OPCML: variants seen among roughly 807,000 people sequenced by gnomAD.
OPCML encodes the protein opioid-binding protein/cell adhesion molecule.
A neutral mutation model predicts 37.8 loss-of-function variants in OPCML; 13 were observed. That is an observed-to-expected ratio of 0.34 (90% CI 0.22 to 0.55). The LOEUF (loss-of-function observed/expected upper bound fraction) is 0.55, where lower values mean the gene tolerates loss of function less well. OPCML is among the 20% of genes least tolerant of loss of function. The probability of loss-of-function intolerance (pLI) is 0.91; values close to 1 mark genes in which losing one functional copy is unlikely to be tolerated. For missense variants in OPCML, 341 were observed against 435.6 expected, an observed-to-expected ratio of 0.78 and a Z score of 1.93; for synonymous variants, 176 against 168.8, an observed-to-expected ratio of 1.04 and a Z score of -0.33.
At chr11:132,646,076 G>A (rs1045942779) in intron 3 of OPCML, among the ~76,000 whole-genome samples, 7 of 152,068 alleles carry the variant, frequency 4.6e-5, no homozygotes, top group Admixed American at 2.0e-4. Context: ...AAATAAGAGT[G>A]GAAAGGGTGG....
intron 1 of OPCML, among the ~76,000 whole-genome samples, chr11:133,381,363 C>T (rs1371217522): frequency 2.0e-5 from 3 of 152,250 alleles, no homozygotes; most frequent in Middle Eastern, 3.4e-3. Flanking sequence ...TTCTGTAGCA[C>T]GGGATCAAAT....
At chr11:132,710,396 C>CTA (rs1316355047) in intron 2 of OPCML, among the ~76,000 whole-genome samples, 1 of 152,010 alleles carries the variant, frequency 6.6e-6, no homozygotes, top group Non-Finnish European at 1.5e-5. Context: ...AGTAAAGTAC[C>CTA]TATACTACAG....
At position 133,231,438 on chromosome 11, in the gene OPCML, C is replaced by T. The variant is rs78643950; in HGVS notation, c.62-288428G>A. ...GCAGCACAGGGCAGTCTGCACCCCA[C>T]GGTGTTTTAAGATTCCTAGGTGAAG... On this transcript the variant is annotated intron_variant, in intron 1 of 7. Transcript: ENST00000524381. 8.9e-4 allele frequency among the ~76,000 whole-genome samples: 135 copies of T among 152,264 alleles called. 2 individuals carry two copies. The East Asian group carries it at 0.018, about 20-fold the overall frequency.
At chr11:132,709,110 G>A (rs547642665) in intron 2 of OPCML, among the ~76,000 whole-genome samples, 2 of 152,154 alleles carry the variant, frequency 1.3e-5, no homozygotes, top group Non-Finnish European at 2.9e-5. Context: ...CTCCTGTGGT[G>A]ATATTCATCA....
chr11:133,329,402 C>A (rs906144732), intron 1 of OPCML, among the ~76,000 whole-genome samples: 11 of 152,094 alleles, frequency 7.2e-5, no homozygotes, highest in Admixed American at 2.0e-4. Context: ...AAGAACAAAG[C>A]TGGAGGCATC....
chr11:132,858,324 C>T (rs917603911), intron 2 of OPCML, among the ~76,000 whole-genome samples: 6 of 152,212 alleles, frequency 3.9e-5, no homozygotes, highest in Non-Finnish European at 7.3e-5. Context: ...TTGACCGGGC[C>T]TGCCAGGGTG....
intron 2 of OPCML, among the ~76,000 whole-genome samples, chr11:132,809,419 CTG>C (rs2136221930): frequency 6.6e-6 from 1 of 152,306 alleles, no homozygotes; most frequent in African/African-American, 2.4e-5. Flanking sequence ...ACAGTTACCA[CTG>C]TGCTTTGTGC....
chr11:133,072,837 AGAG>A (rs570689713), intron 1 of OPCML, among the ~76,000 whole-genome samples: 42 of 152,374 alleles, frequency 2.8e-4, no homozygotes, highest in Non-Finnish European at 5.6e-4. Flanking sequence ...GAGATTTAGT[AGAG>A]GCATTGACTA....
intron 1 of OPCML, among the ~76,000 whole-genome samples, chr11:133,085,285 C>T (rs151325474): frequency 2.2e-4 from 34 of 152,306 alleles, no homozygotes; most frequent in East Asian, 1.2e-3. Flanking sequence ...TGTGTTCAAA[C>T]GCTTCTCTTT....
chr11:132,570,397 G>C (rs1181741177), intron 3 of OPCML, among the ~76,000 whole-genome samples: 1 of 152,018 alleles, frequency 6.6e-6, no homozygotes, highest in Non-Finnish European at 1.5e-5. Context: ...ATGTTTTGAG[G>C]GGAAAGTTTG....
At chr11:133,341,014 C>T (rs1943857595) in intron 1 of OPCML, among the ~76,000 whole-genome samples, 1 of 152,066 alleles carries the variant, frequency 6.6e-6, no homozygotes, top group Admixed American at 6.6e-5. Context: ...CCCCCTTCTT[C>T]TCTTCTTCTT....
At chr11:133,151,100 C>T (rs537440988) in intron 1 of OPCML, among the ~76,000 whole-genome samples, 17 of 151,722 alleles carry the variant, frequency 1.1e-4, no homozygotes, top group Admixed American at 5.9e-4. Flanking sequence ...TGGTGAAACC[C>T]GGTCTCTGCT....
At chr11:132,932,146 TG>T (rs1030566186) in intron 2 of OPCML, among the ~76,000 whole-genome samples, 7 of 152,024 alleles carry the variant, frequency 4.6e-5, no homozygotes, top group Admixed American at 4.6e-4. Context: ...TTCCAGAAGC[TG>T]GGGGGAGGGA....
chr11:133,374,371 G>A (rs115184512), intron 1 of OPCML, among the ~76,000 whole-genome samples: 1,643 of 152,262 alleles, frequency 0.011, 26 homozygotes, highest in African/African-American at 0.038. Flanking sequence ...AGAGGCATGA[G>A]GAAACGTTTG....
chr11:132,472,831 C>A (rs1278830122), intron 4 of OPCML, among the ~76,000 whole-genome samples: 1 of 152,212 alleles, frequency 6.6e-6, no homozygotes, highest in East Asian at 1.9e-4. Context: ...ATCTTTCTCA[C>A]TACCTCACAG....
chr11:132,613,385 A>C (rs7113082), intron 3 of OPCML, among the ~76,000 whole-genome samples: 3,977 of 152,328 alleles, frequency 0.026, 180 homozygotes, highest in African/African-American at 0.091. Context: ...CCTCAAAGAC[A>C]GCTATATTTT....
chr11:133,526,422 G>C (rs1473208715), intron 1 of OPCML, among the ~76,000 whole-genome samples: 2 of 152,316 alleles, frequency 1.3e-5, no homozygotes, highest in East Asian at 3.9e-4. Context: ...TGTGTGCCTT[G>C]CGTGTATATG....
chr11:133,035,823 T>A (rs1947770412), intron 1 of OPCML, among the ~76,000 whole-genome samples: 1 of 152,086 alleles, frequency 6.6e-6, no homozygotes, highest in Non-Finnish European at 1.5e-5. Context: ...GCCCATTCTA[T>A]AAATGGGAAC....
At chr11:132,961,173 A>G (rs1454286044) in intron 1 of OPCML, among the ~76,000 whole-genome samples, 3 of 152,236 alleles carry the variant, frequency 2.0e-5, no homozygotes, top group Non-Finnish European at 2.9e-5. Flanking sequence ...TCCTGGAGAT[A>G]TAGACACTGA....
Sources: allele counts gnomAD v4.1 joint callset (sites outside exome capture counted in the v4.1 genomes callset), GRCh38; gene constraint gnomAD v4.1.1; transcripts MANE v1.5; gene names NCBI Gene and HGNC (gene_info 2026-07-23, HGNC 2026-07-21).